MNAT1: variants seen among roughly 807,000 people sequenced by gnomAD.
MNAT1 encodes CDK-activating kinase assembly factor MAT1.
MNAT1 carries 43 observed loss-of-function variants against 42.0 expected under a neutral mutation model. That is an observed-to-expected ratio of 1.02 (90% CI 0.80 to 1.32). MNAT1 has a LOEUF of 1.32. MNAT1 is among the 40% of genes most tolerant of loss of function. The probability of loss-of-function intolerance (pLI) is 0.00; values close to 1 mark genes in which losing one functional copy is unlikely to be tolerated. For missense variants in MNAT1, 306 were observed against 350.4 expected (o/e 0.87, Z 1.01); for synonymous variants, 118 against 120.0 (o/e 0.98, Z 0.11).
chr14:60,813,929 A>G (rs2032634341), intron 5 of MNAT1, among the ~76,000 whole-genome samples: 1 of 152,186 alleles, frequency 6.6e-6, no homozygotes, highest in Non-Finnish European at 1.5e-5. Flanking sequence ...AGGTTCTAGT[A>G]TATTTTACTT....
intron 6 of MNAT1, among the ~76,000 whole-genome samples, chr14:60,848,040 T>G (rs1401468440): frequency 6.6e-6 from 1 of 152,184 alleles, no homozygotes; most frequent in Admixed American, 6.5e-5. Context: ...CTTCATTTCT[T>G]TGTGAGAATT....
chr14:60,835,233 G>A (rs771466769), intron 6 of MNAT1, among the ~76,000 whole-genome samples: 4 of 152,038 alleles, frequency 2.6e-5, no homozygotes, highest in Non-Finnish European at 2.9e-5. Flanking sequence ...TTTAATTGGG[G>A]CATTTAGCCT....
intron 7 of MNAT1, among the ~76,000 whole-genome samples, chr14:60,959,218 C>T (rs1463000051): frequency 1.3e-5 from 2 of 152,214 alleles, no homozygotes; most frequent in African/African-American, 4.8e-5. Flanking sequence ...GAGCAAGCTG[C>T]CGTGGTCCAC....
At chr14:60,759,549 T>A (rs1163011863) in intron 1 of MNAT1, among the ~76,000 whole-genome samples, 1 of 152,208 alleles carries the variant, frequency 6.6e-6, no homozygotes, top group Non-Finnish European at 1.5e-5. Flanking sequence ...ATGGAGTTGA[T>A]GAGTAGCCAT....
intron 1 of MNAT1, among the ~76,000 whole-genome samples, chr14:60,741,414 C>T (rs1164872589): frequency 2.0e-5 from 3 of 151,900 alleles, no homozygotes; most frequent in African/African-American, 7.3e-5. Context: ...GGCTGGAGTG[C>T]AGTGGCGCGA....
intron 7 of MNAT1, among the ~76,000 whole-genome samples, chr14:60,936,839 C>G (rs1224513863): frequency 6.6e-6 from 1 of 152,152 alleles, no homozygotes; most frequent in Non-Finnish European, 1.5e-5. Flanking sequence ...TACAGTCCCA[C>G]CAACAGTGTA....
chr14:60,888,699 C>A (rs2034750727), intron 7 of MNAT1, among the ~76,000 whole-genome samples: 1 of 144,012 alleles, frequency 6.9e-6, no homozygotes, highest in Non-Finnish European at 1.5e-5. Context: ...CTAGAAAACC[C>A]CATCGTCTCA....
chr14:60,811,525 A>G (rs2032545409), intron 4 of MNAT1, among the ~76,000 whole-genome samples: 2 of 152,076 alleles, frequency 1.3e-5, no homozygotes, highest in South Asian at 4.2e-4. Context: ...GCTGGTCTCG[A>G]ACTCCTGACC....
At chr14:60,916,857 G>A (rs1381910081) in intron 7 of MNAT1, among the ~76,000 whole-genome samples, 1 of 152,146 alleles carries the variant, frequency 6.6e-6, no homozygotes, top group Non-Finnish European at 1.5e-5. Context: ...GGAGGCTGAG[G>A]CACGAGAATT....
chr14:60,812,527 A>G (rs2032585156), intron 5 of MNAT1, among the ~76,000 whole-genome samples: 1 of 152,236 alleles, frequency 6.6e-6, no homozygotes, highest in Admixed American at 6.5e-5. Context: ...AAGCCAAGCT[A>G]CAAGTTAAAT....
At chr14:60,786,008 C>T (rs957370847) in intron 1 of MNAT1, among the ~76,000 whole-genome samples, 11 of 151,646 alleles carry the variant, frequency 7.3e-5, no homozygotes, top group African/African-American at 2.7e-4. Flanking sequence ...AAAGTACAAA[C>T]TGTTGTGGAT....
At chr14:60,748,583 C>G (rs1325982914) in intron 1 of MNAT1, among the ~76,000 whole-genome samples, 5 of 152,120 alleles carry the variant, frequency 3.3e-5, no homozygotes, top group Admixed American at 3.3e-4. Flanking sequence ...AGATACAAAC[C>G]TACACATTAG....
At chr14:60,805,209 GTTTTTTC>G (rs1042764960) in intron 3 of MNAT1, among the ~76,000 whole-genome samples, 5 of 19,828 alleles carry the variant, frequency 2.5e-4, no homozygotes, top group Non-Finnish European at 2.2e-3. Context: ...CAGATGAGAA[GTTTTTTC>G]TTTTTTCTTT....
rs561855468 is a variant in MNAT1, at chr14:60,955,358, TA to T, written c.810-12861del. 4.7e-4 allele frequency among the ~76,000 whole-genome samples: 70 copies of T among 149,378 alleles called. 1 individual carries two copies. The highest frequency in any genetic ancestry group is 5.8e-4 in the Non-Finnish European group (39 of 67,124). ...GTTCTAAGCTTTTCTTTAATGACATTAAAAAAAAAATTATAGATTCAGGCCA... is the reference window on the plus strand; with the variant it reads ...GTTCTAAGCTTTTCTTTAATGACATTAAAAAAAAATTATAGATTCAGGCCA... On this transcript the variant is annotated intron_variant, in intron 7 of 7. Transcript: ENST00000261245.
intron 1 of MNAT1, among the ~76,000 whole-genome samples, chr14:60,773,691 ACTG>A (rs1269078413): frequency 2.6e-5 from 4 of 152,188 alleles, no homozygotes; most frequent in Non-Finnish European, 5.9e-5. Context: ...TTGTTGAAAA[ACTG>A]CTGCTGCTGA....
chr14:60,908,752 T>A (rs1437004051), intron 7 of MNAT1, among the ~76,000 whole-genome samples: 2 of 152,222 alleles, frequency 1.3e-5, no homozygotes, highest in African/African-American at 2.4e-5. Flanking sequence ...TTCCAAGTCT[T>A]TGCTATTGTG....
chr14:60,904,856 C>T (rs905440033), intron 7 of MNAT1, among the ~76,000 whole-genome samples: 14 of 151,828 alleles, frequency 9.2e-5, no homozygotes, highest in African/African-American at 1.2e-4. Flanking sequence ...TTACTTCTCC[C>T]GTATCGTGGT....
At chr14:60,911,597 G>A (rs1395581678) in intron 7 of MNAT1, among the ~76,000 whole-genome samples, 10 of 152,154 alleles carry the variant, frequency 6.6e-5, no homozygotes, top group Non-Finnish European at 1.5e-5. Context: ...TAGTTCAGGA[G>A]CAGGTTGTTC....
At chr14:60,943,522 T>A (rs1322014450) in intron 7 of MNAT1, among the ~76,000 whole-genome samples, 1 of 152,140 alleles carries the variant, frequency 6.6e-6, no homozygotes, top group Non-Finnish European at 1.5e-5. Flanking sequence ...TTTCAACTGT[T>A]TGTTTTTGTT....
Sources: gnomAD v4.1 joint callset for allele counts (sites outside exome capture counted in the v4.1 genomes callset) on GRCh38, gnomAD v4.1.1 for gene constraint, MANE v1.5 for transcripts, NCBI Gene and HGNC (gene_info 2026-07-23, HGNC 2026-07-21) for gene names.